ZSCAN5A: variants seen among roughly 807,000 people sequenced by gnomAD.
ZSCAN5A encodes zinc finger and SCAN domain-containing protein 5A.
Under a neutral mutation model 23.7 loss-of-function variants are expected in ZSCAN5A, and 12 were observed. The observed-to-expected ratio is 0.51, with a 90% CI of 0.32 to 0.82. ZSCAN5A has a LOEUF of 0.82. Among genes scored for constraint, ZSCAN5A ranks in the 40% least tolerant of loss-of-function variants. The pLI is 0.03. For missense variants in ZSCAN5A, 597 were observed against 617.9 expected (o/e 0.97, Z 0.36); for synonymous variants, 257 against 239.9 (o/e 1.07, Z -0.66).
chr19:56,277,458 C>T (rs76364615), intron 2 of ZSCAN5A, among the ~76,000 whole-genome samples: 1,994 of 151,016 alleles, frequency 0.013, 40 homozygotes, highest in African/African-American at 0.046. Context: ...TACCTGATTC[C>T]GTTTACCGTA....
chr19:56,337,847 A>G (rs1441066845), intron 2 of ZSCAN5A, among the ~76,000 whole-genome samples: 1 of 152,230 alleles, frequency 6.6e-6, no homozygotes, highest in Non-Finnish European at 1.5e-5. Context: ...GTGCAGGTAC[A>G]TGTTGCTTTA....
chr19:56,284,699 G>C (rs11668024), intron 2 of ZSCAN5A, among the ~76,000 whole-genome samples: 1 of 151,834 alleles, frequency 6.6e-6, no homozygotes, highest in African/African-American at 2.4e-5. Context: ...ATTTTTAGTA[G>C]AAATGGGTTT....
chr19:56,250,345 A>G (rs2036250712), intron 2 of ZSCAN5A, among the ~76,000 whole-genome samples: 1 of 152,268 alleles, frequency 6.6e-6, no homozygotes, highest in Non-Finnish European at 1.5e-5. Context: ...CTAATGTGCA[A>G]CAAAGGTTGA....
intron 2 of ZSCAN5A, among the ~76,000 whole-genome samples, chr19:56,303,912 C>T (rs554069431): frequency 6.6e-6 from 1 of 152,178 alleles, no homozygotes; most frequent in African/African-American, 2.4e-5. Context: ...CACAGCAGAC[C>T]CTGAGGCAGG....
intron 2 of ZSCAN5A, chr19:56,282,624 G>A (rs571332578): frequency 3.8e-5 from 17 of 444,462 alleles, no homozygotes; most frequent in South Asian, 1.9e-4. Flanking sequence ...TTCTAATAGC[G>A]GAACTAGTAA....
intron 2 of ZSCAN5A, among the ~76,000 whole-genome samples, chr19:56,242,629 G>T (rs559406639): frequency 6.6e-6 from 1 of 152,128 alleles, no homozygotes; most frequent in East Asian, 1.9e-4. Flanking sequence ...AGACCTTTCG[G>T]TTGCTTCCCC....
Position 56,352,238 on chromosome 19 carries a change from A to C in ZSCAN5A, c.-358+10997T>G, listed in dbSNP as rs1478850805. ...TGCCTCAGCCTCCCAAGTAGCTGGGACTACAGGCGCCGATAGTGTGGTGTT... is the reference window on the plus strand; with the variant it reads ...TGCCTCAGCCTCCCAAGTAGCTGGGCCTACAGGCGCCGATAGTGTGGTGTT... On this transcript the variant is annotated intron_variant, in intron 2 of 6. Coordinates refer to the ZSCAN5A transcript ENST00000587340. The surrounding 1 kb of genome is among the most constrained non-coding windows in gnomAD (Gnocchi z 4.2). 6.6e-6 allele frequency among the ~76,000 whole-genome samples: 1 copy of C among 152,158 alleles called. No individual in the cohort carries two copies. The highest frequency in any genetic ancestry group is 1.5e-5 in the Non-Finnish European group (1 of 68,040).
At chr19:56,240,643 T>C (rs1467903478) in intron 2 of ZSCAN5A, among the ~76,000 whole-genome samples, 1 of 94,140 alleles carries the variant, frequency 1.1e-5, no homozygotes, top group African/African-American at 3.4e-5. Flanking sequence ...TTGGAGACCT[T>C]GTGAAAGCAT....
chr19:56,230,508 C>A (rs1156349394), intron 2 of ZSCAN5A, among the ~76,000 whole-genome samples: 1 of 152,098 alleles, frequency 6.6e-6, no homozygotes, highest in Admixed American at 6.5e-5. Context: ...CATGTTCTTT[C>A]CTTCTTATTA....
At chr19:56,241,320 T>C (rs1282459195) in intron 2 of ZSCAN5A, among the ~76,000 whole-genome samples, 3 of 152,222 alleles carry the variant, frequency 2.0e-5, no homozygotes, top group East Asian at 3.8e-4. Flanking sequence ...ATCAAACTCC[T>C]GGGCTCAAGT....
At chr19:56,286,925 C>T (rs1327423414) in intron 2 of ZSCAN5A, among the ~76,000 whole-genome samples, 3 of 152,242 alleles carry the variant, frequency 2.0e-5, no homozygotes, top group African/African-American at 7.2e-5. Flanking sequence ...CAGCACACAC[C>T]ACCCAGGACA....
intron 2 of ZSCAN5A, among the ~76,000 whole-genome samples, chr19:56,251,121 G>T (rs2146738477): frequency 6.8e-6 from 1 of 147,280 alleles, no homozygotes; most frequent in African/African-American, 2.5e-5. Context: ...CTGCACTCCA[G>T]CCTGGGCAAC....
rs1329028809 is a variant in ZSCAN5A at position 56,223,634 on chromosome 19, C to G, written c.585G>C (p.Arg195Ser). 1 of 1,613,554 alleles carries G rather than the reference C, an allele frequency of 6.2e-7. No homozygotes were observed. The highest frequency in any genetic ancestry group is 1.3e-5 in the African/African-American group (1 of 74,828). ...CACCAAGGCCTCACACACTCACCTG[C>G]CTCCTGGACAATGCAGGGACCCTGG... ...ILPRVPALSRRQGEDFLLHKS... is the reference protein window; with the variant it reads ...ILPRVPALSRSQGEDFLLHKS... The change falls in exon 4 of 6, where the codon AGG becomes AGC. Residue 195 changes from arginine (R) to serine (S), a missense_variant. Physicochemically the swap from Arg to Ser is moderately radical, Grantham distance 110 (BLOSUM62 -1). Transcript: ENST00000683990.
intron 2 of ZSCAN5A, among the ~76,000 whole-genome samples, chr19:56,253,856 C>T (rs1342335137): frequency 6.6e-6 from 1 of 152,108 alleles, no homozygotes; most frequent in Non-Finnish European, 1.5e-5. Context: ...GCATCATACG[C>T]ACCCAGCTTA....
intron 2 of ZSCAN5A, chr19:56,228,130 G>A (rs149077828): frequency 1.4e-6 from 1 of 710,884 alleles, no homozygotes; most frequent in African/African-American, 1.9e-5. Context: ...GGGTGCAAAG[G>A]AGACCCGCTG....
intron 1 of ZSCAN5A, among the ~76,000 whole-genome samples, chr19:56,363,940 T>C (rs947482906): frequency 2.0e-5 from 3 of 152,188 alleles, no homozygotes; most frequent in Admixed American, 6.5e-5. Flanking sequence ...GAAAAGCCTA[T>C]TTTCAAGAGA....
chr19:56,302,581 C>CCCTCTTCCTTTTCTTCCTCCCCTCTT (rs1555807488), intron 2 of ZSCAN5A, among the ~76,000 whole-genome samples: 7 of 40,022 alleles, frequency 1.7e-4, no homozygotes, highest in African/African-American at 1.2e-3. Flanking sequence ...TTCTTCCTCC[C>CCCTCTTCCTTTTCTTCCTCCCCTCTT]CCTTTTCTTC....
intron 2 of ZSCAN5A, among the ~76,000 whole-genome samples, chr19:56,291,659 C>A (rs2039517099): frequency 6.6e-6 from 1 of 152,068 alleles, no homozygotes; most frequent in South Asian, 2.1e-4. Context: ...CACATTTGAC[C>A]CCTTCTGTTT....
Position 56,245,255 on chromosome 19 carries a change from A to G in ZSCAN5A, c.-127-20082T>C, listed in dbSNP as rs754007033. ...CAATTTTCTTGGCAAGGAATATCTT[A>G]TGCAGGAATCAGATGTCGAGATGGC... is the stretch of plus-strand genomic sequence containing the variant. On this transcript the variant is annotated intron_variant, in intron 2 of 5. Transcript: ENST00000683990. 5 of 674,008 alleles carry G rather than the reference A, an allele frequency of 7.4e-6. No individual in the cohort carries two copies. In the Admixed American group the frequency reaches 1.0e-4, roughly 14 times the overall value. The allele number at this position is 674,008 out of a possible 1,614,324, so 41.8% of individuals were successfully genotyped here.
Sources: allele counts gnomAD v4.1 joint callset (sites outside exome capture counted in the v4.1 genomes callset), GRCh38; gene constraint gnomAD v4.1.1; non-coding constraint Gnocchi (gnomAD v3.1); transcripts MANE v1.5; gene names NCBI Gene and HGNC (gene_info 2026-07-23, HGNC 2026-07-21).